The following CNGB3 variants were observed in gnomAD, a reference collection of about 807,000 sequenced individuals.
The protein encoded by CNGB3 is cyclic nucleotide-gated channel beta-3.
A neutral mutation model predicts 92.8 loss-of-function variants in CNGB3; 86 were observed. The ratio of observed to expected loss-of-function variants is 0.93; its 90% CI spans 0.78 to 1.11. The LOEUF (loss-of-function observed/expected upper bound fraction) is 1.11, where lower values mean the gene tolerates loss of function less well. Among genes scored for constraint, CNGB3 ranks in the 50% least tolerant of loss-of-function variants. The pLI, the probability that CNGB3 is intolerant of heterozygous loss-of-function variation, is 0.00. For missense variants in CNGB3, 1,026 were observed against 956.8 expected (o/e 1.07, Z -0.95); for synonymous variants, 333 against 332.7 (o/e 1.00, Z -0.01).
rs377165281 is a variant in CNGB3 at position 86,659,459 on chromosome 8, A to G, written c.853-5397T>C. ...CTGGATTCCTGACTTCTCTGTCACTAGGACTCAAATTTCTCTTCTAATTCT... is the reference window on the plus strand; with the variant it reads ...CTGGATTCCTGACTTCTCTGTCACTGGGACTCAAATTTCTCTTCTAATTCT... On this transcript the variant is annotated intron_variant, in intron 6 of 17. Coordinates refer to ENST00000320005, the MANE Select transcript of CNGB3 (RefSeq NM_019098.5). The G allele has an allele frequency of 1.4e-5, 9 of 626,216 alleles. No homozygotes were observed. The African/African-American group carries it at 1.7e-4, about 12-fold the overall frequency. 38.8% of individuals were successfully genotyped at this position (626,216 alleles called of 1,614,324 possible).
chr8:86,632,916 T>C, intron 10 of CNGB3, 23 bp from the exon 11 acceptor site: 1 of 1,606,566 alleles, frequency 6.2e-7, no homozygotes, highest in Non-Finnish European at 8.5e-7. Flanking sequence ...AAGATATACA[T>C]TTTGCTTTTT....
At chr8:86,708,733 A>AATTT (rs887123570) in intron 3 of CNGB3, among the ~76,000 whole-genome samples, 4 of 151,406 alleles carry the variant, frequency 2.6e-5, no homozygotes, top group African/African-American at 9.7e-5. Context: ...ATGCCTGAAG[A>AATTT]ATTTATTTAT....
chr8:86,700,202 C>T (rs1351596846), intron 3 of CNGB3, among the ~76,000 whole-genome samples: 1 of 152,268 alleles, frequency 6.6e-6, no homozygotes, highest in African/African-American at 2.4e-5. Flanking sequence ...CTAATGCATA[C>T]ATCTGAAGCT....
At chr8:86,594,487 C>A (rs116276368) in intron 15 of CNGB3, 2 of 290,032 alleles carry the variant, frequency 6.9e-6, no homozygotes, top group Middle Eastern at 4.7e-4. Flanking sequence ...GGAGGGGACC[C>A]GACACGTAGC....
intron 10 of CNGB3, among the ~76,000 whole-genome samples, chr8:86,635,861 T>TATATATATATATATATATAC (rs796498363): frequency 4.5e-5 from 3 of 66,270 alleles, no homozygotes; most frequent in Non-Finnish European, 7.8e-5. Flanking sequence ...TATATATATA[T>TATATATATATATATATATAC]ATACACATAC....
chr8:86,613,878 A>G (rs1385313901), intron 13 of CNGB3, among the ~76,000 whole-genome samples: 1 of 148,078 alleles, frequency 6.8e-6, no homozygotes, highest in Non-Finnish European at 1.5e-5. Context: ...ATATAAGTAC[A>G]TATATAATAT....
At chr8:86,641,241 G>A (rs1283287102) in intron 10 of CNGB3, among the ~76,000 whole-genome samples, 2 of 151,940 alleles carry the variant, frequency 1.3e-5, no homozygotes, top group Non-Finnish European at 2.9e-5. Flanking sequence ...TCAATTCTGG[G>A]AATTGCCTAC....
chr8:86,727,728 T>TCCAC (rs1045663965), intron 2 of CNGB3, among the ~76,000 whole-genome samples: 1 of 152,158 alleles, frequency 6.6e-6, no homozygotes, highest in African/African-American at 2.4e-5. Flanking sequence ...TTATTCATTT[T>TCCAC]CCACAGCTTC....
rs915596306 is a variant in CNGB3, at chr8:86,695,179, G to A, written c.339-24081C>T. ...AGGCGTGGCGGTGGCGCCTGCAATC[G>A]CAGGCACTCGGCAGGCACTCGGCAG... On this transcript the variant is annotated intron_variant, in intron 3 of 17. Transcript: ENST00000320005. 9.2e-5 allele frequency among the ~76,000 whole-genome samples: 14 copies of A among 152,000 alleles called. No homozygotes were observed. In the East Asian group the frequency reaches 9.7e-4, roughly 11 times the overall value.
At chr8:86,683,559 G>A (rs1403808293) in intron 3 of CNGB3, among the ~76,000 whole-genome samples, 1 of 152,020 alleles carries the variant, frequency 6.6e-6, no homozygotes, top group African/African-American at 2.4e-5. Context: ...GCAAACAGAT[G>A]GTAATAACTT....
chr8:86,591,456 C>T (rs1213823229), intron 15 of CNGB3, among the ~76,000 whole-genome samples: 3 of 150,658 alleles, frequency 2.0e-5, no homozygotes, highest in Admixed American at 6.6e-5. Flanking sequence ...CTGTTTTTTC[C>T]CCATCTTTGT....
chr8:86,687,509 T>C (rs1824212719), intron 3 of CNGB3, among the ~76,000 whole-genome samples: 1 of 151,848 alleles, frequency 6.6e-6, no homozygotes, highest in African/African-American at 2.4e-5. Flanking sequence ...AAAATGCAAA[T>C]GTTGAATACC....
Position 86,669,701 on chromosome 8 carries a change from A to G in CNGB3, c.493+1243T>C, listed in dbSNP as rs148458518. Among the ~76,000 whole-genome samples, 680 of 152,336 alleles carry G rather than the reference A, an allele frequency of 4.5e-3. 6 individuals are homozygous for G. Among genetic ancestry groups the G allele is most frequent in the African/African-American group, 0.016 (653 of 41,566 alleles). On this transcript the variant is annotated intron_variant, in intron 4 of 17. Coordinates refer to ENST00000320005, the MANE Select transcript of CNGB3 (RefSeq NM_019098.5). ...AACCCACATTCTCTTATACAGAACT[A>G]CAAGGAATCTCAACTCCATCCCATG...
Position 86,729,061 on chromosome 8 carries a change from C to T in CNGB3, c.212-2404G>A, listed in dbSNP as rs377351218. Among the ~76,000 whole-genome samples, 17 of 152,178 alleles carry T rather than the reference C, an allele frequency of 1.1e-4. 1 individual carries two copies. Among genetic ancestry groups the T allele is most frequent in the Admixed American group, 5.9e-4 (9 of 15,294 alleles). On this transcript the variant is annotated intron_variant, in intron 2 of 17. Coordinates refer to ENST00000320005, the MANE Select transcript of CNGB3 (RefSeq NM_019098.5). ...GGATCGCTGGAACTACAGGCATGAG[C>T]CACCACACCCAGTTAATTTTTGTAT...
intron 15 of CNGB3, among the ~76,000 whole-genome samples, chr8:86,597,599 A>C (rs1822201021): frequency 6.6e-6 from 1 of 152,104 alleles, no homozygotes; most frequent in South Asian, 2.1e-4. Context: ...ATCCAGGCGG[A>C]GGTAATAGAA....
chr8:86,678,855 C>G (rs1824025988), intron 3 of CNGB3, among the ~76,000 whole-genome samples: 1 of 152,094 alleles, frequency 6.6e-6, no homozygotes, highest in African/African-American at 2.4e-5. Context: ...CAATGGCAAC[C>G]CTTCCAAAAT....
At chr8:86,726,864 C>T (rs549776110) in intron 2 of CNGB3, among the ~76,000 whole-genome samples, 3 of 152,224 alleles carry the variant, frequency 2.0e-5, no homozygotes, top group East Asian at 1.9e-4. Context: ...AAAATACAGT[C>T]GTGTGCTATT....
intron 11 of CNGB3, among the ~76,000 whole-genome samples, chr8:86,629,626 G>C (rs1240001847): frequency 6.6e-6 from 1 of 152,122 alleles, no homozygotes; most frequent in Non-Finnish European, 1.5e-5. Context: ...TGCAACCTCT[G>C]TACTTCCCTT....
chr8:86,689,087 T>A (rs1824247369), intron 3 of CNGB3, among the ~76,000 whole-genome samples: 1 of 151,982 alleles, frequency 6.6e-6, no homozygotes, highest in Non-Finnish European at 1.5e-5. Context: ...GTGTGTATAG[T>A]TTCCTCTTGT....
Sources: allele counts gnomAD v4.1 joint callset (sites outside exome capture counted in the v4.1 genomes callset), GRCh38; gene constraint gnomAD v4.1.1; transcripts MANE v1.5; gene names NCBI Gene and HGNC (gene_info 2026-07-23, HGNC 2026-07-21).